The following ARHGAP28 variants were observed in gnomAD, a reference collection of about 807,000 sequenced individuals.
ARHGAP28 encodes rho GTPase-activating protein 28.
A neutral mutation model predicts 90.7 loss-of-function variants in ARHGAP28; 56 were observed. The ratio of observed to expected loss-of-function variants is 0.62; its 90% confidence interval spans 0.50 to 0.77. ARHGAP28 has a LOEUF of 0.77. Among genes scored for constraint, ARHGAP28 ranks in the 30% least tolerant of loss-of-function variants. The probability of loss-of-function intolerance (pLI) is 0.00; values close to 1 mark genes in which losing one functional copy is unlikely to be tolerated. For synonymous variants in ARHGAP28, 308 were observed against 323.3 expected (o/e 0.95, Z 0.51); for missense variants, 869 against 900.9 (o/e 0.96, Z 0.45).
intron 1 of ARHGAP28, among the ~76,000 whole-genome samples, chr18:6,821,943 C>A (rs2056629830): frequency 6.6e-6 from 1 of 152,130 alleles, no homozygotes; most frequent in Admixed American, 6.5e-5. Context: ...TTTCATACTT[C>A]TTCAAATATT....
chr18:6,740,349 G>T (rs1368670476), intron 1 of ARHGAP28, among the ~76,000 whole-genome samples: 1 of 152,114 alleles, frequency 6.6e-6, no homozygotes, highest in East Asian at 1.9e-4. Context: ...AAAAATTTAG[G>T]CTGTGGAAAC....
chr18:6,870,624 G>A lies in ARHGAP28; in HGVS notation c.846G>A (p.Glu282=). ...TTCTGGAAAAGAACATTCCACCAGA[G>A]GCTGAAGAGCTGTCATTTGAAGTGT... ...DDFLEKNIPP[E]AEELSFEVSY... Residue 282 remains glutamate (E), a synonymous_variant, in exon 7 of 18, where the codon GAG becomes GAA. Transcript: ENST00000383472. 2 of 1,612,988 alleles carry A rather than the reference G, an allele frequency of 1.2e-6. No homozygotes were observed. The highest frequency in any genetic ancestry group is 2.2e-5 in the South Asian group (2 of 90,942).
At chr18:6,786,202 C>G (rs890808645) in intron 1 of ARHGAP28, among the ~76,000 whole-genome samples, 21 of 152,218 alleles carry the variant, frequency 1.4e-4, no homozygotes, top group African/African-American at 4.8e-4. Flanking sequence ...TAAACTGCAA[C>G]TAGACATTAG....
intron 1 of ARHGAP28, among the ~76,000 whole-genome samples, chr18:6,806,345 G>T (rs1234640049): frequency 6.6e-6 from 1 of 151,992 alleles, no homozygotes; most frequent in Non-Finnish European, 1.5e-5. Flanking sequence ...GAAGTAAATT[G>T]TCTGAGGTTA....
chr18:6,863,960 T>C (rs2057018143), intron 5 of ARHGAP28, among the ~76,000 whole-genome samples: 1 of 152,122 alleles, frequency 6.6e-6, no homozygotes, highest in African/African-American at 2.4e-5. Context: ...TTTTTTTGTA[T>C]TTTTAGTAGA....
rs117294229 is a variant in ARHGAP28, at chr18:6,864,961, T to G, written c.727-3189T>G. Among the ~76,000 whole-genome samples, 33 of 152,342 alleles carry G rather than the reference T, an allele frequency of 2.2e-4. 2 individuals are homozygous for G. The East Asian group carries it at 6.4e-3, about 29-fold the overall frequency. ...AAATTGAGTGGAAAAGTACAGCGAT[T>G]TCCCATATCCCCCCATTCCTATGCA... On this transcript the variant is annotated intron_variant, in intron 5 of 17. Transcript: ENST00000383472.
intron 1 of ARHGAP28, among the ~76,000 whole-genome samples, chr18:6,774,615 A>G (rs1471016709): frequency 5.9e-5 from 9 of 152,202 alleles, no homozygotes; most frequent in Non-Finnish European, 1.3e-4. Context: ...AACTAACCCA[A>G]TCTTTCCAGT....
chr18:6,873,830 G>A, intron 9 of ARHGAP28, 55 bp downstream of exon 9: 1 of 1,458,416 alleles, frequency 6.9e-7, no homozygotes, highest in Non-Finnish European at 9.5e-7. Flanking sequence ...TTATGATTTG[G>A]CACTTTGTAA....
chr18:6,782,045 G>A (rs1286366795), intron 1 of ARHGAP28, among the ~76,000 whole-genome samples: 1 of 152,076 alleles, frequency 6.6e-6, no homozygotes, highest in Non-Finnish European at 1.5e-5. Flanking sequence ...CTGGCAGAGA[G>A]CACCCAGATC....
chr18:6,818,850 C>G (rs968913608), intron 1 of ARHGAP28, among the ~76,000 whole-genome samples: 1 of 152,210 alleles, frequency 6.6e-6, no homozygotes, highest in Non-Finnish European at 1.5e-5. Context: ...TAAGGTAAGA[C>G]TAGCAAAGAA....
chr18:6,798,656 C>T (rs2056459921), intron 1 of ARHGAP28, among the ~76,000 whole-genome samples: 1 of 151,790 alleles, frequency 6.6e-6, no homozygotes, highest in African/African-American at 2.4e-5. Flanking sequence ...GCAGAGACAC[C>T]CACAGTGATA....
At chr18:6,888,970 C>T (rs2057243691) in intron 12 of ARHGAP28, among the ~76,000 whole-genome samples, 1 of 152,202 alleles carries the variant, frequency 6.6e-6, no homozygotes. Context: ...CAGCCGCACT[C>T]CACCTCGGTC....
At chr18:6,769,594 C>T (rs918547268) in intron 1 of ARHGAP28, among the ~76,000 whole-genome samples, 3 of 152,154 alleles carry the variant, frequency 2.0e-5, no homozygotes, top group African/African-American at 7.2e-5. Flanking sequence ...ACGAGGAAAG[C>T]GAGACTTGGA....
intron 14 of ARHGAP28, among the ~76,000 whole-genome samples, chr18:6,893,994 G>A (rs1238795478): frequency 2.6e-5 from 4 of 151,212 alleles, no homozygotes; most frequent in Non-Finnish European, 5.9e-5. Context: ...AGCCTCCCGA[G>A]TAGTTGGGAC....
intron 3 of ARHGAP28, among the ~76,000 whole-genome samples, chr18:6,850,355 T>C (rs527397068): frequency 2.2e-4 from 33 of 152,364 alleles, no homozygotes; most frequent in Admixed American, 1.2e-3. Context: ...CATTGCAAAA[T>C]ACAATCACAA....
At chr18:6,769,163 T>C (rs954246438) in intron 1 of ARHGAP28, among the ~76,000 whole-genome samples, 1 of 152,004 alleles carries the variant, frequency 6.6e-6, no homozygotes, top group Non-Finnish European at 1.5e-5. Flanking sequence ...TGCCCTGGAC[T>C]GACACAAGCT....
Position 6,873,745 on chromosome 18 carries a change from T to C in ARHGAP28, c.1182T>C (p.Pro394=). Reference sequence around the variant, plus strand: ...TGGACGGTGACCGAAAGAAAGACCCTGGAGTGAAAGTTCCCCTGGTATTAC... The same window carrying C: ...TGGACGGTGACCGAAAGAAAGACCCCGGAGTGAAAGTTCCCCTGGTATTAC... ...VLLDGDRKKD[P]GVKVPLVLQK... Residue 394 remains proline, a synonymous_variant, in exon 9 of 18, where the codon CCT becomes CCC. Coordinates refer to ENST00000383472, the MANE Select transcript of ARHGAP28 (RefSeq NM_001366230.1). 3 of 1,614,018 alleles carry C rather than the reference T, an allele frequency of 1.9e-6. No homozygotes were observed. Among genetic ancestry groups the C allele is most frequent in the Non-Finnish European group, 2.5e-6 (3 of 1,179,952 alleles).
chr18:6,848,213 G>A (rs9956686), intron 3 of ARHGAP28, among the ~76,000 whole-genome samples: 108,383 of 152,046 alleles, frequency 0.71, 38,801 homozygotes, highest in East Asian at 0.84. Context: ...CCAGGGGCCT[G>A]CCTTGCAAAA....
intron 1 of ARHGAP28, among the ~76,000 whole-genome samples, chr18:6,812,079 T>A (rs2056561212): frequency 6.6e-6 from 1 of 152,182 alleles, no homozygotes; most frequent in African/African-American, 2.4e-5. Context: ...CAAACCATAT[T>A]TTCCCACAGA....
Sources: gnomAD v4.1 joint callset for allele counts (sites outside exome capture counted in the v4.1 genomes callset) on GRCh38, gnomAD v4.1.1 for gene constraint, MANE v1.5 for transcripts, NCBI Gene and HGNC (gene_info 2026-07-23, HGNC 2026-07-21) for gene names.